IFTAP: variants seen among roughly 807,000 people sequenced by gnomAD.
IFTAP encodes the protein intraflagellar transport associated protein.
A neutral mutation model predicts 19.4 loss-of-function variants in IFTAP; 19 were observed. The ratio of observed to expected loss-of-function variants is 0.98; its 90% CI spans 0.68 to 1.44. The LOEUF (loss-of-function observed/expected upper bound fraction) is 1.44. Ranked by LOEUF, IFTAP falls within the 40% of genes most tolerant of loss-of-function variation. IFTAP has a pLI of 0.00. For synonymous variants in IFTAP, 85 were observed against 83.5 expected (o/e 1.02, Z -0.10); for missense variants, 240 against 253.6 (o/e 0.95, Z 0.36).
At chr11:36,640,466 A>G (rs369956882) in intron 4 of IFTAP, among the ~76,000 whole-genome samples, 6 of 152,210 alleles carry the variant, frequency 3.9e-5, no homozygotes, top group African/African-American at 1.4e-4. Context: ...CTTCTGTTAC[A>G]TACTGAAATA....
intron 2 of IFTAP, among the ~76,000 whole-genome samples, chr11:36,618,200 C>G (rs921721313): frequency 6.6e-6 from 1 of 151,862 alleles, no homozygotes; most frequent in Non-Finnish European, 1.5e-5. Flanking sequence ...GAGATAAGGC[C>G]TTTAAAGAGA....
rs1473505711 is a variant in IFTAP at position 36,614,362 on chromosome 11, A to C, written c.136+4123A>C. 2.7e-5 allele frequency among the ~76,000 whole-genome samples: 4 copies of C among 148,626 alleles called. No homozygotes were observed. In the South Asian group the frequency reaches 8.6e-4, roughly 32 times the overall value. ...GTTCCAACTCTTTGCTATTGTGAAT[A>C]ATGCCACAATAAACATACGTGTGCA... On this transcript the variant is annotated intron_variant, in intron 2 of 5. Transcript: ENST00000334307.
At chr11:36,598,171 C>T (rs982846165) in intron 1 of IFTAP, 2 of 152,042 alleles carry the variant, frequency 1.3e-5, no homozygotes, top group Non-Finnish European at 2.9e-5. Flanking sequence ...ATTGTCAGCA[C>T]TTGGGGAAGA....
intron 5 of IFTAP, among the ~76,000 whole-genome samples, chr11:36,649,630 G>T (rs912102988): frequency 6.6e-6 from 1 of 152,034 alleles, no homozygotes. Context: ...AAAACTGAAT[G>T]ATTTCTGGAA....
intron 1 of IFTAP, chr11:36,594,973 A>G (rs1208671990): frequency 6.6e-6 from 1 of 152,292 alleles, no homozygotes; most frequent in Non-Finnish European, 1.5e-5. Context: ...TGACTGTCTT[A>G]CAGAACCGAA....
intron 1 of IFTAP, among the ~76,000 whole-genome samples, chr11:36,602,847 A>C (rs1025300808): frequency 1.1e-4 from 17 of 152,090 alleles, no homozygotes; most frequent in African/African-American, 4.1e-4. Flanking sequence ...AAAAACAAGC[A>C]AAAATGGTAG....
rs1025774072 is a variant in IFTAP, at chr11:36,629,627, T to C, written c.137-3657T>C. On this transcript the variant is annotated intron_variant, in intron 2 of 5. Coordinates refer to ENST00000334307, the MANE Select transcript of IFTAP (RefSeq NM_138787.4). ...TTGAGTTCTTTAAAAATAATCACTTTTATCTGAAAGATGTATAATCAATAT... is the reference window on the plus strand; with the variant it reads ...TTGAGTTCTTTAAAAATAATCACTTCTATCTGAAAGATGTATAATCAATAT... Among the ~76,000 whole-genome samples, 10 of 151,496 alleles carry C rather than the reference T, an allele frequency of 6.6e-5. 1 individual carries two copies. The highest frequency in any genetic ancestry group is 2.2e-4 in the African/African-American group (9 of 40,746).
rs1852443281 is a variant in IFTAP at position 36,624,748 on chromosome 11, G to A, written c.137-8536G>A. ...TATTGCTTGGAACAAGGGTGTGGGG[G>A]GGTGTCATCCTGGACCATGTGGAGA... On this transcript the variant is annotated intron_variant, in intron 2 of 5. Transcript: ENST00000334307. Among the ~76,000 whole-genome samples, 4 of 152,094 alleles carry A rather than the reference G, an allele frequency of 2.6e-5. No homozygotes were observed. The South Asian group carries it at 8.3e-4, about 32-fold the overall frequency.
chr11:36,635,714 T>C (rs1331716471), intron 3 of IFTAP, among the ~76,000 whole-genome samples: 7 of 152,184 alleles, frequency 4.6e-5, no homozygotes, highest in Non-Finnish European at 1.0e-4. Flanking sequence ...CCAGAAACAC[T>C]GTTTTCAACT....
chr11:36,627,282 A>G (rs190551980), intron 2 of IFTAP, among the ~76,000 whole-genome samples: 1 of 151,276 alleles, frequency 6.6e-6, no homozygotes, highest in East Asian at 1.9e-4. Flanking sequence ...AACTTTGTAT[A>G]CTTCCTAAAA....
chr11:36,640,044 A>G (rs143027794), intron 4 of IFTAP, among the ~76,000 whole-genome samples: 36 of 152,278 alleles, frequency 2.4e-4, no homozygotes, highest in South Asian at 2.1e-4. Context: ...TAGTTCTCCA[A>G]CACCTTTAAA....
intron 2 of IFTAP, among the ~76,000 whole-genome samples, chr11:36,614,049 C>T (rs1024442294): frequency 2.0e-5 from 3 of 151,798 alleles, no homozygotes; most frequent in Admixed American, 6.6e-5. Context: ...GGTATATCTC[C>T]CAGTGCTATC....
At chr11:36,636,224 T>C in intron 4 of IFTAP, 107 bp downstream of exon 4, 1 of 795,216 alleles carries the variant, frequency 1.3e-6, no homozygotes, top group Non-Finnish European at 2.1e-6. Flanking sequence ...CCACCTCTCC[T>C]AAGACAGGAA....
At chr11:36,619,044 C>G (rs139340229) in intron 2 of IFTAP, among the ~76,000 whole-genome samples, 1 of 151,908 alleles carries the variant, frequency 6.6e-6, no homozygotes, top group Admixed American at 6.6e-5. Context: ...GGTATTTTGC[C>G]TGGGAGATAC....
intron 2 of IFTAP, among the ~76,000 whole-genome samples, chr11:36,629,346 A>C (rs1487851839): frequency 6.6e-6 from 1 of 151,102 alleles, no homozygotes; most frequent in Non-Finnish European, 1.5e-5. Context: ...CCCCCTATGA[A>C]TTTTTCTTTC....
At chr11:36,606,718 T>C (rs1851706426) in intron 1 of IFTAP, among the ~76,000 whole-genome samples, 1 of 152,266 alleles carries the variant, frequency 6.6e-6, no homozygotes, top group Non-Finnish European at 1.5e-5. Flanking sequence ...TGCATCTGTT[T>C]GGTATTTGTT....
At chr11:36,607,124 A>G (rs1344530679) in intron 1 of IFTAP, among the ~76,000 whole-genome samples, 1 of 152,172 alleles carries the variant, frequency 6.6e-6, no homozygotes, top group Non-Finnish European at 1.5e-5. Flanking sequence ...TGGGGTTGTA[A>G]TACATGAGGA....
At chr11:36,601,602 A>T (rs928647984) in intron 1 of IFTAP, among the ~76,000 whole-genome samples, 6 of 152,170 alleles carry the variant, frequency 3.9e-5, no homozygotes, top group African/African-American at 9.6e-5. Context: ...CTTTATTTTT[A>T]GAGAAGGAAA....
chr11:36,647,908 T>C, intron 4 of IFTAP, 108 bp from the exon 5 acceptor site: 1 of 1,321,730 alleles, frequency 7.6e-7, no homozygotes, highest in Non-Finnish European at 1.0e-6. Flanking sequence ...TGGATCTACA[T>C]TACATGAGCA....
Sources: allele counts gnomAD v4.1 joint callset (sites outside exome capture counted in the v4.1 genomes callset), GRCh38; gene constraint gnomAD v4.1.1; transcripts MANE v1.5; gene names NCBI Gene and HGNC (gene_info 2026-07-23, HGNC 2026-07-21).